PCSK5: variants seen among roughly 807,000 people sequenced by gnomAD.
PCSK5 encodes prohormone convertase 5.
Under a neutral mutation model 233.2 loss-of-function variants are expected in PCSK5, and 129 were observed. The ratio of observed to expected loss-of-function variants is 0.55; its 90% CI spans 0.48 to 0.64. The LOEUF (loss-of-function observed/expected upper bound fraction) is 0.64. PCSK5 is among the 30% of genes least tolerant of loss of function. The pLI is 0.00. For missense variants in PCSK5, 2,076 were observed against 2,430.1 expected, an observed-to-expected ratio of 0.85 and a Z score of 3.06; for synonymous variants, 825 against 879.2, an observed-to-expected ratio of 0.94 and a Z score of 1.09.
Position 76,358,790 on chromosome 9 carries a change from GGAT to G in PCSK5, c.5544_5546del (p.Asp1849del), listed in dbSNP as rs774326762. The G allele has an allele frequency of 2.6e-5, 42 of 1,612,868 alleles. No homozygotes were observed. Among genetic ancestry groups the G allele is most frequent in the Non-Finnish European group, 3.6e-5 (42 of 1,179,872 alleles). ...AGTACAGGGATCGGGACTATGATGAGGATGATGATGATGACATCGTCTACATGG... is the reference window on the plus strand; with the variant it reads ...AGTACAGGGATCGGGACTATGATGAGGATGATGATGACATCGTCTACATGG... On this transcript the variant is annotated inframe_deletion, in exon 38 of 38. Transcript: ENST00000674117.
intron 5 of PCSK5, among the ~76,000 whole-genome samples, chr9:76,046,559 CTTTTTTT>C (rs553542037): frequency 0.019 from 2,043 of 104,796 alleles, 51 homozygotes; most frequent in South Asian, 0.12. Context: ...CTTTCTTTTT[CTTTTTTT>C]TTTTTTTTTT....
At chr9:76,122,845 A>G (rs1832699319) in intron 9 of PCSK5, among the ~76,000 whole-genome samples, 1 of 98,920 alleles carries the variant, frequency 1.0e-5, no homozygotes, top group Non-Finnish European at 2.1e-5. Context: ...TTTTTTTTTA[A>G]TTGAGACAGA....
intron 24 of PCSK5, among the ~76,000 whole-genome samples, chr9:76,253,161 A>T (rs13285997): frequency 2.6e-5 from 4 of 152,152 alleles, no homozygotes; most frequent in Non-Finnish European, 5.9e-5. Context: ...TGTGTAGCCA[A>T]CCTTAGTGCA....
At chr9:75,968,691 A>G (rs993286503) in intron 2 of PCSK5, among the ~76,000 whole-genome samples, 1 of 152,220 alleles carries the variant, frequency 6.6e-6, no homozygotes, top group Non-Finnish European at 1.5e-5. Flanking sequence ...GGGGATTATT[A>G]GGGATTTCAG....
chr9:75,981,833 G>C (rs903063004), intron 2 of PCSK5, among the ~76,000 whole-genome samples: 2 of 152,180 alleles, frequency 1.3e-5, no homozygotes, highest in Non-Finnish European at 2.9e-5. Context: ...AAAGTGCTGA[G>C]ATTATAGGTG....
intron 24 of PCSK5, among the ~76,000 whole-genome samples, chr9:76,274,398 T>A (rs1827625262): frequency 6.6e-6 from 1 of 152,326 alleles, no homozygotes; most frequent in East Asian, 1.9e-4. Context: ...AGATCTGTAG[T>A]CTCTGTGGGT....
At chr9:76,089,782 CTG>C (rs1391583097) in intron 7 of PCSK5, among the ~76,000 whole-genome samples, 1 of 152,146 alleles carries the variant, frequency 6.6e-6, no homozygotes, top group Non-Finnish European at 1.5e-5. Context: ...CCATCATAGA[CTG>C]ATGTTCTCAA....
intron 5 of PCSK5, among the ~76,000 whole-genome samples, chr9:76,030,713 G>A (rs1306913496): frequency 6.6e-6 from 1 of 151,958 alleles, no homozygotes; most frequent in Admixed American, 6.6e-5. Flanking sequence ...ATATGTAAAG[G>A]CAATTCTTTG....
intron 20 of PCSK5, among the ~76,000 whole-genome samples, chr9:76,204,215 G>A (rs902676596): frequency 6.6e-5 from 10 of 151,848 alleles, no homozygotes; most frequent in African/African-American, 1.9e-4. Flanking sequence ...CACCATGACC[G>A]TCCTAGGTTG....
chr9:76,062,797 G>A (rs973796987), intron 5 of PCSK5, among the ~76,000 whole-genome samples: 7 of 151,894 alleles, frequency 4.6e-5, no homozygotes, highest in Non-Finnish European at 7.4e-5. Flanking sequence ...TCTTTCTGTG[G>A]GTAATATTCC....
chr9:76,174,989 A>C lies in PCSK5; in HGVS notation c.1760A>C (p.Lys587Thr). 1 of 1,598,342 alleles carries C rather than the reference A, an allele frequency of 6.3e-7. No homozygotes were observed. Among genetic ancestry groups the C allele is most frequent in the Non-Finnish European group, 8.5e-7 (1 of 1,172,422 alleles). ...GATTTCATTATTATTTCTCAAGGTA[A>C]ATTGAAAGAATGGTCTTTGGTCCTC... ...SQLRNFKTPG[K>T]LKEWSLVLYG... The change falls in exon 14 of 38, where the codon AAA becomes ACA. Residue 587 changes from lysine (K) to threonine (T), a missense_variant. Around this residue, in one of 6 missense-constraint regions of PCSK5, gnomAD observed 50 missense variants for 104.7 expected, o/e 0.48. Coordinates refer to ENST00000674117, the MANE Select transcript of PCSK5 (RefSeq NM_001372043.1).
At position 76,173,496 on chromosome 9, in the gene PCSK5, C is replaced by CTTTTTTTTTTTTTTTT. The variant is rs59248860; in HGVS notation, c.1757-1469_1757-1454dup. On this transcript the variant is annotated intron_variant, in intron 13 of 37. Transcript: ENST00000674117. ...CTTTAATGAAATGGAGGCACGTTTC[C>CTTTTTTTTTTTTTTTT]TTTTTTTTTTTTTTTTTTTTTTTTT... Among the ~76,000 whole-genome samples the CTTTTTTTTTTTTTTTT allele has an allele frequency of 2.3e-3, 142 of 60,970 alleles. 13 individuals are homozygous for CTTTTTTTTTTTTTTTT. Among genetic ancestry groups the CTTTTTTTTTTTTTTTT allele is most frequent in the Non-Finnish European group, 3.1e-3 (94 of 30,110 alleles). The allele number at this position is 60,970 out of a possible 152,430, so 40.0% of individuals were successfully genotyped here. A position where few individuals can be genotyped will look rare whatever the true frequency, so the allele number is the denominator to read the frequency against.
At position 76,361,847 on chromosome 9, in the gene PCSK5, T is replaced by G. The variant is rs1218751082; in HGVS notation, c.*2925T>G. The G allele has an allele frequency of 1.3e-5, 2 of 152,234 alleles. No homozygotes were observed. Among genetic ancestry groups the G allele is most frequent in the African/African-American group, 2.4e-5 (1 of 41,466 alleles). 9.4% of individuals were successfully genotyped at this position (152,234 alleles called of 1,614,324 possible). A position where few individuals can be genotyped will look rare whatever the true frequency, so the allele number is the denominator to read the frequency against. On this transcript the variant is annotated 3_prime_UTR_variant, in exon 38 of 38. Coordinates refer to ENST00000674117, the MANE Select transcript of PCSK5 (RefSeq NM_001372043.1). The stretch of plus-strand genomic sequence containing the variant: ...TCTCACCTCTGTGGTTGCAGTTAGC[T>G]TACAAAAACGAGCAATTTTGCTTAT...
At position 76,323,285 on chromosome 9, in the gene PCSK5, A is replaced by G. The variant is rs768356584; in HGVS notation, c.4336A>G (p.Arg1446Gly). Residue 1446 changes from arginine (R) to glycine (G), a missense_variant, in exon 32 of 38, where the codon AGA (arginine) becomes GGA (glycine). Physicochemically the swap from Arg to Gly is moderately radical, Grantham distance 125. Coordinates refer to ENST00000674117, the MANE Select transcript of PCSK5 (RefSeq NM_001372043.1). ...TYYEKETKEC[R>G]DCHKSCLTCS... Reference sequence around the variant, plus strand: ...TTATGAAAAGGAGACTAAGGAGTGCAGAGGTAAAGACTTCTGGGATTCAAA... The same window carrying G: ...TTATGAAAAGGAGACTAAGGAGTGCGGAGGTAAAGACTTCTGGGATTCAAA... 6.3e-7 allele frequency: 1 copy of G among 1,579,332 alleles called. No homozygotes were observed. Among genetic ancestry groups the G allele is most frequent in the Non-Finnish European group, 8.7e-7 (1 of 1,149,610 alleles).
At chr9:76,113,709 TC>T (rs1383692545) in intron 9 of PCSK5, among the ~76,000 whole-genome samples, 1 of 152,116 alleles carries the variant, frequency 6.6e-6, no homozygotes, top group African/African-American at 2.4e-5. Context: ...CATAAACATT[TC>T]TTAATATTGG....
chr9:76,340,560 G>A (rs544214913), intron 35 of PCSK5, among the ~76,000 whole-genome samples: 12 of 144,846 alleles, frequency 8.3e-5, no homozygotes, highest in South Asian at 2.2e-4. Context: ...TGGGAGAATC[G>A]CTTGAAACCT....
At chr9:76,213,144 C>T (rs1825393013) in intron 20 of PCSK5, among the ~76,000 whole-genome samples, 1 of 152,194 alleles carries the variant, frequency 6.6e-6, no homozygotes, top group African/African-American at 2.4e-5. Context: ...GCGTCCATGC[C>T]TTGGACTCAG....
chr9:76,121,728 C>T (rs1286406073), intron 9 of PCSK5, among the ~76,000 whole-genome samples: 1 of 151,936 alleles, frequency 6.6e-6, no homozygotes, highest in Non-Finnish European at 1.5e-5. Context: ...AGAGTTCTCG[C>T]ATGTTTGAAG....
At chr9:76,081,854 G>A (rs995799238) in intron 7 of PCSK5, among the ~76,000 whole-genome samples, 12 of 151,904 alleles carry the variant, frequency 7.9e-5, no homozygotes, top group Non-Finnish European at 1.8e-4. Flanking sequence ...TGCATGTACT[G>A]TTTCCTAAAA....
Sources: allele counts gnomAD v4.1 joint callset (sites outside exome capture counted in the v4.1 genomes callset), GRCh38; gene constraint gnomAD v4.1.1; regional missense constraint gnomAD v4.1.1; transcripts MANE v1.5; gene names NCBI Gene and HGNC (gene_info 2026-07-23, HGNC 2026-07-21).